RETREG1: variants seen among roughly 807,000 people sequenced by gnomAD.
RETREG1 encodes the protein family with sequence similarity 134 member B.
Under a neutral mutation model 54.8 loss-of-function variants are expected in RETREG1, and 44 were observed. The ratio of observed to expected loss-of-function variants is 0.80; its 90% confidence interval spans 0.63 to 1.03. The LOEUF (loss-of-function observed/expected upper bound fraction) is 1.03, where lower values mean the gene tolerates loss of function less well. Among genes scored for constraint, RETREG1 ranks in the 50% least tolerant of loss-of-function variants. The pLI is 0.00. For missense variants in RETREG1, 554 were observed against 605.1 expected (o/e 0.92, Z 0.89); for synonymous variants, 217 against 238.5 (o/e 0.91, Z 0.83).
intron 3 of RETREG1, among the ~76,000 whole-genome samples, chr5:16,538,432 C>T (rs1455995965): frequency 3.3e-5 from 5 of 152,260 alleles, no homozygotes; most frequent in South Asian, 4.1e-4. Context: ...CTAAAGTGAA[C>T]GGAATGCAGC....
chr5:16,612,648 T>G (rs1465242510), intron 1 of RETREG1, among the ~76,000 whole-genome samples: 2 of 152,238 alleles, frequency 1.3e-5, no homozygotes, highest in Non-Finnish European at 2.9e-5. Context: ...CCCAATCTAC[T>G]TCAGTTGTGG....
At chr5:16,528,010 C>A (rs567472913) in intron 3 of RETREG1, among the ~76,000 whole-genome samples, 1 of 151,898 alleles carries the variant, frequency 6.6e-6, no homozygotes, top group South Asian at 2.1e-4. Flanking sequence ...GGGGTTTCAC[C>A]GTCTTAGCCA....
intron 3 of RETREG1, among the ~76,000 whole-genome samples, chr5:16,550,353 C>T (rs1274682156): frequency 6.6e-6 from 1 of 152,036 alleles, no homozygotes; most frequent in African/African-American, 2.4e-5. Context: ...CCCTTAGAAG[C>T]AATGCTCTCA....
chr5:16,600,394 T>C (rs1743020354), intron 1 of RETREG1, among the ~76,000 whole-genome samples: 1 of 152,028 alleles, frequency 6.6e-6, no homozygotes. Context: ...CCGACAGAAG[T>C]AGGAGGTTGT....
At chr5:16,551,113 C>A (rs1741523744) in intron 3 of RETREG1, among the ~76,000 whole-genome samples, 1 of 139,916 alleles carries the variant, frequency 7.1e-6, no homozygotes. Flanking sequence ...AAAATAACAA[C>A]AAAAGCCATG....
intron 1 of RETREG1, among the ~76,000 whole-genome samples, chr5:16,586,984 TC>T (rs1742641060): frequency 6.6e-6 from 1 of 152,196 alleles, no homozygotes. Context: ...AGGGCACTAA[TC>T]CCATTCATGA....
intron 3 of RETREG1, among the ~76,000 whole-genome samples, chr5:16,550,433 A>C (rs1014838216): frequency 1.3e-5 from 2 of 152,162 alleles, no homozygotes; most frequent in Non-Finnish European, 2.9e-5. Flanking sequence ...GCAGTTACTT[A>C]ATGCTATCGT....
At chr5:16,539,812 G>A (rs933291103) in intron 3 of RETREG1, among the ~76,000 whole-genome samples, 1 of 152,226 alleles carries the variant, frequency 6.6e-6, no homozygotes, top group African/African-American at 2.4e-5. Flanking sequence ...TTCACCAGAT[G>A]TTTAGATGTC....
At chr5:16,522,725 C>T (rs1283255604) in intron 3 of RETREG1, among the ~76,000 whole-genome samples, 1 of 152,094 alleles carries the variant, frequency 6.6e-6, no homozygotes, top group African/African-American at 2.4e-5. Context: ...AATATTGGGG[C>T]CGGGTGCAGT....
At chr5:16,517,685 C>G (rs1740403634) in intron 3 of RETREG1, among the ~76,000 whole-genome samples, 1 of 152,094 alleles carries the variant, frequency 6.6e-6, no homozygotes, top group Admixed American at 6.6e-5. Flanking sequence ...GAGGGGCAGC[C>G]ACATGTTTTT....
At chr5:16,515,450 T>A (rs576482182) in intron 3 of RETREG1, among the ~76,000 whole-genome samples, 59 of 152,316 alleles carry the variant, frequency 3.9e-4, no homozygotes, top group African/African-American at 1.3e-3. Flanking sequence ...GCCTGAGAAT[T>A]TTTTTAGTTT....
intron 1 of RETREG1, among the ~76,000 whole-genome samples, chr5:16,572,805 A>T (rs1053841858): frequency 1.3e-5 from 2 of 152,114 alleles, no homozygotes; most frequent in African/African-American, 4.8e-5. Flanking sequence ...GCTGCACTAC[A>T]GAGGCCCTTT....
intron 3 of RETREG1, among the ~76,000 whole-genome samples, chr5:16,515,155 T>C (rs551319360): frequency 6.6e-6 from 1 of 152,128 alleles, no homozygotes; most frequent in African/African-American, 2.4e-5. Context: ...ATAGTTCTAC[T>C]TTTTGTTCTT....
chr5:16,522,452 G>A (rs540434137), intron 3 of RETREG1, among the ~76,000 whole-genome samples: 1 of 152,124 alleles, frequency 6.6e-6, no homozygotes, highest in Non-Finnish European at 1.5e-5. Flanking sequence ...TCCAGTAAGT[G>A]GCTTCACTTC....
Position 16,561,809 on chromosome 5 carries a change from G to A in RETREG1, c.458+3954C>T, listed in dbSNP as rs763534114. ...GCAAATTTTAGATGCATTCAGAAGG[G>A]TTGTGGGTGCAAGAAAGAAGGGGAG... is the stretch of plus-strand genomic sequence containing the variant. On this transcript the variant is annotated intron_variant, in intron 3 of 8. Transcript: ENST00000306320. The surrounding 1 kb of genome is among the most constrained non-coding windows in gnomAD (Gnocchi z 4.2). Among the ~76,000 whole-genome samples, 1 of 152,232 alleles carries A rather than the reference G, an allele frequency of 6.6e-6. No individual in the cohort carries two copies. Among genetic ancestry groups the A allele is most frequent in the Non-Finnish European group, 1.5e-5 (1 of 68,040 alleles).
At chr5:16,505,632 C>A (rs1259345754) in intron 3 of RETREG1, among the ~76,000 whole-genome samples, 1 of 152,200 alleles carries the variant, frequency 6.6e-6, no homozygotes, top group East Asian at 1.9e-4. Flanking sequence ...TAGGGTCCCT[C>A]TCCCTTCAGG....
At chr5:16,590,619 G>A (rs1742737142) in intron 1 of RETREG1, among the ~76,000 whole-genome samples, 1 of 152,128 alleles carries the variant, frequency 6.6e-6, no homozygotes, top group Non-Finnish European at 1.5e-5. Context: ...CCACGGACTC[G>A]AGGCGGGCTG....
At chr5:16,522,697 A>T (rs960840599) in intron 3 of RETREG1, among the ~76,000 whole-genome samples, 6 of 152,104 alleles carry the variant, frequency 3.9e-5, no homozygotes, top group Non-Finnish European at 7.3e-5. Context: ...GTTTTATTTT[A>T]ATAACTTTTT....
intron 8 of RETREG1, among the ~76,000 whole-genome samples, chr5:16,475,890 T>G (rs1738517218): frequency 6.6e-6 from 1 of 152,204 alleles, no homozygotes; most frequent in Admixed American, 6.5e-5. Flanking sequence ...TTTATTGTTT[T>G]TACCTTTCAT....
Sources: allele counts gnomAD v4.1 joint callset (sites outside exome capture counted in the v4.1 genomes callset), GRCh38; gene constraint gnomAD v4.1.1; non-coding constraint Gnocchi (gnomAD v3.1); transcripts MANE v1.5; gene names NCBI Gene and HGNC (gene_info 2026-07-23, HGNC 2026-07-21).